The following CD24 variants were observed in gnomAD, a reference collection of about 807,000 sequenced individuals.
CD24 encodes signal transducer CD24.
In CD24, 2 loss-of-function variants were observed where a neutral mutation model predicts 3.6. The ratio of observed to expected loss-of-function variants is 0.56; its 90% CI spans 0.23 to 1.77. CD24 has a LOEUF of 1.77. CD24 is among the 40% of genes most tolerant of loss of function. The pLI is 0.18. For synonymous variants in CD24, 33 were observed against 44.9 expected, an observed-to-expected ratio of 0.74 and a Z score of 1.06; for missense variants, 62 against 93.6, an observed-to-expected ratio of 0.66 and a Z score of 1.39.
At chr6:106,973,555 C>A in intron 1 of CD24, 1 of 397,942 alleles carries the variant, frequency 2.5e-6, no homozygotes. Context: ...GAGGACGCAG[C>A]GCGCCCAACT....
rs1211747694 is a variant in CD24 at position 106,974,697 on chromosome 6, G to A, written c.-51C>T. 7 of 1,480,726 alleles carry A rather than the reference G, an allele frequency of 4.7e-6. No individual in the cohort carries two copies. The highest frequency in any genetic ancestry group is 2.9e-5 in the African/African-American group (2 of 68,406). 91.7% of individuals were successfully genotyped at this position (1,480,726 alleles called of 1,614,324 possible). On this transcript the variant is annotated 5_prime_UTR_variant, in exon 1 of 2. Transcript: ENST00000606017. ...TCTAGCAGGATGCTGGGTGCTTGGA[G>A]AACCGCTGGCTCCGGGCGGGCGCAG...
chr6:106,974,915 C>G (rs1467060074), upstream of CD24, among the ~76,000 whole-genome samples: 1 of 147,264 alleles, frequency 6.8e-6, no homozygotes, highest in Non-Finnish European at 1.5e-5. Context: ...CCGGCCCTCG[C>G]GGGCCGGGAG....
intron 1 of CD24, 76 bp downstream of exon 1, chr6:106,974,502 C>T: frequency 1.2e-6 from 1 of 839,016 alleles, no homozygotes; most frequent in Non-Finnish European, 1.7e-6. Context: ...CAGGACGGTC[C>T]CCCGGGACCG....
intron 1 of CD24, chr6:106,973,755 G>A: frequency 2.5e-6 from 1 of 398,400 alleles, no homozygotes; most frequent in Non-Finnish European, 4.4e-6. Flanking sequence ...CACCCTCGAG[G>A]CAGCGCTGCG....
intron 1 of CD24, 23 bp downstream of exon 1, chr6:106,974,555 C>T: frequency 7.1e-7 from 1 of 1,405,924 alleles, no homozygotes; most frequent in South Asian, 1.5e-5. Flanking sequence ...GCCCTCGAGC[C>T]CCGCCGGGCG....
chr6:106,976,470 C>T (rs1044388949), upstream of CD24, among the ~76,000 whole-genome samples: 4 of 152,146 alleles, frequency 2.6e-5, no homozygotes, highest in Admixed American at 6.6e-5. Flanking sequence ...TTTCCAAGCA[C>T]GTTTAAGATG....
upstream of CD24, among the ~76,000 whole-genome samples, chr6:106,976,732 T>A (rs1471157496): frequency 6.6e-6 from 1 of 152,096 alleles, no homozygotes; most frequent in African/African-American, 2.4e-5. Flanking sequence ...CCATGCATGG[T>A]TGCTCATACC....
chr6:106,969,842 G>T lies in CD24; in HGVS notation c.*1819C>A, dbSNP rs1398555636. The T allele has an allele frequency of 6.6e-6, 1 of 152,212 alleles. No individual in the cohort carries two copies. The allele number at this position is 152,212 out of a possible 1,614,324, so 9.4% of individuals were successfully genotyped here. The stretch of plus-strand genomic sequence containing the variant: ...CTTAAAATGCAAGATTGCTCTTTCA[G>T]CCATTTCTTTTTATTTACAGTTTGT... On this transcript the variant is annotated 3_prime_UTR_variant, in exon 2 of 2. Transcript: ENST00000606017.
At chr6:106,972,283 G>A (rs1170756762) in intron 1 of CD24, among the ~76,000 whole-genome samples, 2 of 152,190 alleles carry the variant, frequency 1.3e-5, no homozygotes, top group Admixed American at 1.3e-4. Flanking sequence ...TTGGGTCACT[G>A]TCTATCCTGG....
At chr6:106,973,992 A>C (rs1328590163) in intron 1 of CD24, 1 of 397,916 alleles carries the variant, frequency 2.5e-6, no homozygotes, top group South Asian at 1.3e-4. Flanking sequence ...GCGTCAGGAG[A>C]GGGTCCCCGC....
At position 106,970,448 on chromosome 6, in the gene CD24, T is replaced by C. The variant is rs1582554759; in HGVS notation, c.*1213A>G. 1 of 152,672 alleles carries C rather than the reference T, an allele frequency of 6.5e-6. No individual in the cohort carries two copies. Among genetic ancestry groups the C allele is most frequent in the Admixed American group, 6.5e-5 (1 of 15,276 alleles). The allele number at this position is 152,672 out of a possible 1,614,324, so 9.5% of individuals were successfully genotyped here. ...ATTTTTGCCTTCTTAATTTCAAGATTTGCAATTTTGCCTTCAAAACAGATC... is the reference window on the plus strand; with the variant it reads ...ATTTTTGCCTTCTTAATTTCAAGATCTGCAATTTTGCCTTCAAAACAGATC... On this transcript the variant is annotated 3_prime_UTR_variant, in exon 2 of 2. Coordinates refer to ENST00000606017, the MANE Select transcript of CD24 (RefSeq NM_001359084.1).
chr6:106,973,742 A>C, intron 1 of CD24: 1 of 398,372 alleles, frequency 2.5e-6, no homozygotes, highest in Non-Finnish European at 4.4e-6. Context: ...CGGTGCATCC[A>C]TACACCCTCG....
upstream of CD24, among the ~76,000 whole-genome samples, chr6:106,974,927 C>T (rs1201074523): frequency 6.8e-6 from 1 of 147,542 alleles, no homozygotes; most frequent in African/African-American, 2.4e-5. Flanking sequence ...GGCCGGGAGC[C>T]CCCCGGGCGG....
chr6:106,972,953 A>T (rs1773009342), intron 1 of CD24, among the ~76,000 whole-genome samples: 2 of 152,208 alleles, frequency 1.3e-5, no homozygotes, highest in Non-Finnish European at 2.9e-5. Context: ...TAGATTAGTG[A>T]CAACAACAAA....
chr6:106,974,686 G>T lies in CD24; in HGVS notation c.-40C>A. ...TGCGCGGCGCGTCTAGCAGGATGCT[G>T]GGTGCTTGGAGAACCGCTGGCTCCG... On this transcript the variant is annotated 5_prime_UTR_variant, in exon 1 of 2. Coordinates refer to ENST00000606017, the MANE Select transcript of CD24 (RefSeq NM_001359084.1). 6.7e-7 allele frequency: 1 copy of T among 1,486,484 alleles called. No homozygotes were observed. The highest frequency in any genetic ancestry group is 8.9e-7 in the Non-Finnish European group (1 of 1,123,532). The allele number at this position is 1,486,484 out of a possible 1,614,324, so 92.1% of individuals were successfully genotyped here.
At chr6:106,976,430 C>T (rs1773109016), upstream of CD24, among the ~76,000 whole-genome samples, 1 of 152,162 alleles carries the variant, frequency 6.6e-6, no homozygotes, top group Non-Finnish European at 1.5e-5. Flanking sequence ...TGGTTTGTGC[C>T]TTCAAGGTCA....
chr6:106,974,806 C>G, upstream of CD24: 2 of 613,258 alleles, frequency 3.3e-6, no homozygotes, highest in East Asian at 3.7e-5. Flanking sequence ...GCCCGCCCAC[C>G]CCGGCTCCCC....
intron 1 of CD24, chr6:106,974,062 C>G: frequency 2.5e-6 from 1 of 397,354 alleles, no homozygotes; most frequent in Non-Finnish European, 4.4e-6. Context: ...GTAGCTTCTC[C>G]GGGATACCCA....
rs954394800 is a variant in CD24, at chr6:106,973,536, C to G, written c.69+1042G>C. ...CCAGGTGAGCCCGGACTTTCGATGT[C>G]TGGGGACGGAGGACGCAGCGCGCCC... On this transcript the variant is annotated intron_variant, in intron 1 of 1. Transcript: ENST00000606017. 3.5e-5 allele frequency: 14 copies of G among 397,468 alleles called. 1 individual carries two copies. The highest frequency in any genetic ancestry group is 6.2e-4 in the Middle Eastern group (1 of 1,608). 24.6% of individuals were successfully genotyped at this position (397,468 alleles called of 1,614,324 possible). A position where few individuals can be genotyped will look rare whatever the true frequency, so the allele number is the denominator to read the frequency against.
Sources: allele counts gnomAD v4.1 joint callset (sites outside exome capture counted in the v4.1 genomes callset), GRCh38; gene constraint gnomAD v4.1.1; transcripts MANE v1.5; gene names NCBI Gene and HGNC (gene_info 2026-07-23, HGNC 2026-07-21).